The following TUBB8 variants were observed in gnomAD, a reference collection of about 807,000 sequenced individuals.
TUBB8 encodes the protein tubulin beta-8 chain.
In TUBB8, 25 loss-of-function variants were observed where a neutral mutation model predicts 33.7. The observed-to-expected ratio is 0.74, with a 90% CI of 0.54 to 1.04. The LOEUF (loss-of-function observed/expected upper bound fraction) is 1.04, where lower values mean the gene tolerates loss of function less well. Among genes scored for constraint, TUBB8 ranks in the 50% least tolerant of loss-of-function variants. The pLI, the probability that TUBB8 is intolerant of heterozygous loss-of-function variation, is 0.00. For missense variants in TUBB8, 279 were observed against 608.0 expected (o/e 0.46, Z 5.69); for synonymous variants, 245 against 240.1 (o/e 1.02, Z -0.19).
chr10:76,171 G>A (rs1377403244), upstream of TUBB8, among the ~76,000 whole-genome samples: 1 of 145,410 alleles, frequency 6.9e-6, no homozygotes, highest in African/African-American at 2.5e-5. Context: ...CACGAGCACC[G>A]ATCAGGGGGC....
upstream of TUBB8, chr10:49,321 T>C (rs113214939): frequency 0.032 from 44,880 of 1,384,296 alleles, 1,294 homozygotes; most frequent in African/African-American, 0.12. Context: ...TCCGCCAACG[T>C]TTAAATAGCC....
intron 1 of TUBB8, among the ~76,000 whole-genome samples, chr10:68,167 C>T (rs1487729190): frequency 6.6e-6 from 1 of 152,160 alleles, no homozygotes; most frequent in Non-Finnish European, 1.5e-5. Context: ...TATAACATAT[C>T]ACGGCATATC....
intron 1 of TUBB8, among the ~76,000 whole-genome samples, chr10:58,477 G>A (rs1302452613): frequency 3.3e-5 from 5 of 152,152 alleles, no homozygotes; most frequent in African/African-American, 1.2e-4. Flanking sequence ...TTTTAAAAAG[G>A]AGGTTTAAGT....
Position 49,284 on chromosome 10 carries a change from G to C in TUBB8, c.-46C>G. 1 of 1,551,510 alleles carries C rather than the reference G, an allele frequency of 6.4e-7. No homozygotes were observed. The highest frequency in any genetic ancestry group is 8.7e-7 in the Non-Finnish European group (1 of 1,145,584). Reference sequence around the variant, plus strand: ...GGCAGGAGAAACGTGAGAAGGAGGAGCAGACGCGCAGCGACCCAGCCCGCC... The same window carrying C: ...GGCAGGAGAAACGTGAGAAGGAGGACCAGACGCGCAGCGACCCAGCCCGCC... On this transcript the variant is annotated 5_prime_UTR_variant, in exon 1 of 4. Transcript: ENST00000568584.
intron 1 of TUBB8, among the ~76,000 whole-genome samples, chr10:70,857 A>T (rs1834727428): frequency 6.6e-6 from 1 of 152,130 alleles, no homozygotes; most frequent in Non-Finnish European, 1.5e-5. Context: ...AATAAAAAAT[A>T]AAAAAAAGGA....
At chr10:54,630 T>A (rs1834506807) in intron 1 of TUBB8, among the ~76,000 whole-genome samples, 1 of 152,248 alleles carries the variant, frequency 6.6e-6, no homozygotes, top group Non-Finnish European at 1.5e-5. Context: ...TGTCTTATTT[T>A]CATAAATGTC....
chr10:75,021 C>A (rs1195547915), upstream of TUBB8, among the ~76,000 whole-genome samples: 3 of 151,592 alleles, frequency 2.0e-5, no homozygotes, highest in African/African-American at 4.8e-5. Flanking sequence ...ATTACAGGTG[C>A]GCGCCACCAT....
chr10:70,455 C>G (rs1403783137), intron 1 of TUBB8, among the ~76,000 whole-genome samples: 2 of 151,770 alleles, frequency 1.3e-5, no homozygotes, highest in Non-Finnish European at 2.9e-5. Context: ...CACAACAGTC[C>G]CCAGATATTT....
chr10:65,122 T>C (rs1834654384), intron 1 of TUBB8, among the ~76,000 whole-genome samples: 1 of 152,236 alleles, frequency 6.6e-6, no homozygotes, highest in Non-Finnish European at 1.5e-5. Context: ...CACTCCTCCC[T>C]GGGCAACAGA....
In TUBB8 at chr10:46,898, G is replaced by A. The variant is rs1217103133; in HGVS notation, c.*159C>T. The A allele has an allele frequency of 1.3e-5, 7 of 556,434 alleles. No homozygotes were observed. Among genetic ancestry groups the A allele is most frequent in the East Asian group, 5.9e-5 (2 of 33,788 alleles). The allele number at this position is 556,434 out of a possible 1,614,324, so 34.5% of individuals were successfully genotyped here. On this transcript the variant is annotated 3_prime_UTR_variant, in exon 4 of 4. Coordinates refer to ENST00000568584, the MANE Select transcript of TUBB8 (RefSeq NM_177987.3). ...AGATGGAGGCAAAACCAGATGCTGT[G>A]AGAATACTTTATTAGTCAAAACCGC... is the stretch of plus-strand genomic sequence containing the variant.
At chr10:70,447 C>A (rs189042829) in intron 1 of TUBB8, among the ~76,000 whole-genome samples, 4,091 of 152,026 alleles carry the variant, frequency 0.027, 75 homozygotes, top group Non-Finnish European at 0.041. Context: ...CCCCACCCCA[C>A]AACAGTCCCC....
chr10:58,800 G>T (rs1834563684), intron 1 of TUBB8, among the ~76,000 whole-genome samples: 1 of 152,180 alleles, frequency 6.6e-6, no homozygotes, highest in Non-Finnish European at 1.5e-5. Flanking sequence ...AGATTTGGGA[G>T]GGGACGCACA....
intron 1 of TUBB8, among the ~76,000 whole-genome samples, chr10:67,520 G>A (rs570724449): frequency 6.6e-6 from 1 of 152,216 alleles, no homozygotes; most frequent in African/African-American, 2.4e-5. Context: ...TGCCTCCTGG[G>A]TTCAAGCAAT....
chr10:58,979 A>T (rs2130941729), intron 1 of TUBB8, among the ~76,000 whole-genome samples: 1 of 152,190 alleles, frequency 6.6e-6, no homozygotes, highest in African/African-American at 2.4e-5. Context: ...ACAGTGGTAA[A>T]AGTGGATATT....
At chr10:48,547 T>C in intron 3 of TUBB8, 68 bp downstream of exon 3, 1 of 1,456,236 alleles carries the variant, frequency 6.9e-7, no homozygotes, top group Non-Finnish European at 9.6e-7. Flanking sequence ...AGGATGACCT[T>C]AGCACACTCC....
intron 1 of TUBB8, among the ~76,000 whole-genome samples, chr10:57,813 C>G (rs1400418881): frequency 6.9e-6 from 1 of 145,852 alleles, no homozygotes; most frequent in Non-Finnish European, 1.5e-5. Context: ...TCAACACTTG[C>G]TTTTTTTTTA....
chr10:62,327 G>A (rs1554741002), intron 1 of TUBB8, among the ~76,000 whole-genome samples: 1 of 152,236 alleles, frequency 6.6e-6, no homozygotes, highest in African/African-American at 2.4e-5. Flanking sequence ...ATTTTAGACT[G>A]TGGACAATTT....
At chr10:52,995 A>G (rs537559744), upstream of TUBB8, among the ~76,000 whole-genome samples, 1 of 152,392 alleles carries the variant, frequency 6.6e-6, no homozygotes, top group African/African-American at 2.4e-5. Flanking sequence ...AAAATGGCAG[A>G]AAAGAGTGAA....
intron 1 of TUBB8, among the ~76,000 whole-genome samples, chr10:61,570 C>T (rs1177022043): frequency 3.3e-5 from 5 of 152,196 alleles, no homozygotes; most frequent in Non-Finnish European, 7.3e-5. Flanking sequence ...AATGTGTATT[C>T]TGCAGCTGTT....
Sources: gnomAD v4.1 joint callset for allele counts (sites outside exome capture counted in the v4.1 genomes callset) on GRCh38, gnomAD v4.1.1 for gene constraint, MANE v1.5 for transcripts, NCBI Gene and HGNC (gene_info 2026-07-23, HGNC 2026-07-21) for gene names.